WFDC1: variants seen among roughly 807,000 people sequenced by gnomAD.
WFDC1 encodes the protein WAP four-disulfide core domain protein 1.
A neutral mutation model predicts 32.9 loss-of-function variants in WFDC1; 39 were observed. The observed-to-expected ratio is 1.19, with a 90% CI of 0.92 to 1.55. The LOEUF (loss-of-function observed/expected upper bound fraction) is 1.55, where lower values mean the gene tolerates loss of function less well. Ranked by LOEUF, WFDC1 falls within the 40% of genes most tolerant of loss-of-function variation. The pLI, the probability that WFDC1 is intolerant of heterozygous loss-of-function variation, is 0.00. For synonymous variants in WFDC1, 184 were observed against 137.4 expected, an observed-to-expected ratio of 1.34 and a Z score of -2.37; for missense variants, 386 against 309.5, an observed-to-expected ratio of 1.25 and a Z score of -1.85.
intron 1 of WFDC1, among the ~76,000 whole-genome samples, chr16:84,301,350 A>G (rs555413351): frequency 2.0e-4 from 30 of 152,182 alleles, no homozygotes; most frequent in Non-Finnish European, 2.9e-4. Flanking sequence ...GCAACCGGCA[A>G]CGAGACATTT....
intron 1 of WFDC1, among the ~76,000 whole-genome samples, chr16:84,309,312 C>T (rs1480792824): frequency 1.3e-5 from 2 of 152,044 alleles, no homozygotes; most frequent in Non-Finnish European, 2.9e-5. Context: ...GCTCGGAGGT[C>T]GAGTGGGGAG....
At chr16:84,311,213 C>T (rs1305696200) in intron 1 of WFDC1, among the ~76,000 whole-genome samples, 2 of 151,164 alleles carry the variant, frequency 1.3e-5, no homozygotes, top group Admixed American at 6.6e-5. Context: ...ATTGGTCACT[C>T]ACCCATATTC....
At chr16:84,317,312 A>G (rs1567660587) in intron 2 of WFDC1, 2 of 134,740 alleles carry the variant, frequency 1.5e-5, no homozygotes, top group East Asian at 4.1e-4. Context: ...AAATAAATAA[A>G]TAAATAAATA....
chr16:84,298,594 T>TTG (rs1038137773), intron 1 of WFDC1, among the ~76,000 whole-genome samples: 1 of 152,166 alleles, frequency 6.6e-6, no homozygotes, highest in Non-Finnish European at 1.5e-5. Context: ...TATTTACACC[T>TTG]TGGAAATTGG....
intron 1 of WFDC1, among the ~76,000 whole-genome samples, chr16:84,299,132 A>G (rs244827): frequency 0.83 from 125,825 of 152,100 alleles, 53,299 homozygotes; most frequent in Non-Finnish European, 0.91. Flanking sequence ...AGGCCAAGGC[A>G]GGCAGATCTC....
chr16:84,318,025 C>T, intron 2 of WFDC1: 1 of 463,518 alleles, frequency 2.2e-6, no homozygotes, highest in Non-Finnish European at 4.0e-6. Context: ...ATGGTCACTG[C>T]TGCTCACATC....
At chr16:84,326,733 A>T in intron 5 of WFDC1, 149 bp from the exon 6 acceptor site, 1 of 728,066 alleles carries the variant, frequency 1.4e-6, no homozygotes, top group South Asian at 1.6e-5. Flanking sequence ...GAGAGGAGGC[A>T]CTGCAGGTGG....
intron 1 of WFDC1, among the ~76,000 whole-genome samples, chr16:84,307,140 G>C (rs1282874429): frequency 6.6e-6 from 1 of 152,166 alleles, no homozygotes; most frequent in Non-Finnish European, 1.5e-5. Context: ...AGAGAGGTCA[G>C]AGACGTGGAG....
At chr16:84,310,458 C>A (rs573040752) in intron 1 of WFDC1, among the ~76,000 whole-genome samples, 1 of 152,180 alleles carries the variant, frequency 6.6e-6, no homozygotes, top group South Asian at 2.1e-4. Flanking sequence ...GGATGATGTG[C>A]CCTCGCTCTG....
intron 5 of WFDC1, among the ~76,000 whole-genome samples, chr16:84,325,168 A>C (rs1395724833): frequency 6.7e-6 from 1 of 150,184 alleles, no homozygotes; most frequent in Non-Finnish European, 1.5e-5. Flanking sequence ...CCATTCATAC[A>C]TACATCCTTT....
chr16:84,295,371 C>T, intron 1 of WFDC1: 1 of 504,508 alleles, frequency 2.0e-6, no homozygotes, highest in East Asian at 3.2e-5. Flanking sequence ...TTACTTTTGC[C>T]TTGTTACAAA....
intron 1 of WFDC1, among the ~76,000 whole-genome samples, chr16:84,309,306 G>A (rs559727144): frequency 2.9e-4 from 44 of 152,304 alleles, no homozygotes; most frequent in African/African-American, 8.7e-4. Context: ...CGCAGGGCTC[G>A]GAGGTCGAGT....
intron 6 of WFDC1, chr16:84,328,282 C>G (rs936438324): frequency 6.6e-6 from 1 of 152,248 alleles, no homozygotes; most frequent in Non-Finnish European, 1.5e-5. Flanking sequence ...CAGGCTTGCC[C>G]TCACGTGCCC....
At chr16:84,313,189 G>A (rs2151375466) in intron 2 of WFDC1, 36 bp downstream of exon 2, 3 of 1,391,246 alleles carry the variant, frequency 2.2e-6, no homozygotes, top group Non-Finnish European at 2.8e-6. Context: ...GCTGAGGGAG[G>A]AGGACAGGTG....
intron 1 of WFDC1, among the ~76,000 whole-genome samples, chr16:84,296,734 G>C (rs527393475): frequency 6.6e-6 from 1 of 152,190 alleles, no homozygotes; most frequent in African/African-American, 2.4e-5. Flanking sequence ...ATGTGAGATG[G>C]TGTAGTCACC....
chr16:84,307,569 C>T (rs769473580), intron 1 of WFDC1, among the ~76,000 whole-genome samples: 1 of 152,188 alleles, frequency 6.6e-6, no homozygotes, highest in South Asian at 2.1e-4. Context: ...CCATCTGGGA[C>T]TGCCATTAAG....
At chr16:84,306,864 C>T (rs1046642879) in intron 1 of WFDC1, among the ~76,000 whole-genome samples, 1 of 152,134 alleles carries the variant, frequency 6.6e-6, no homozygotes, top group Non-Finnish European at 1.5e-5. Context: ...GAGCCAGGGA[C>T]ACAGGTAAGA....
At chr16:84,312,584 G>A (rs1196564443) in intron 1 of WFDC1, among the ~76,000 whole-genome samples, 1 of 151,826 alleles carries the variant, frequency 6.6e-6, no homozygotes, top group Non-Finnish European at 1.5e-5. Flanking sequence ...ATAGACATAT[G>A]TGTGTACGTA....
At chr16:84,297,658 G>A (rs1343944615) in intron 1 of WFDC1, among the ~76,000 whole-genome samples, 2 of 140,022 alleles carry the variant, frequency 1.4e-5, no homozygotes, top group African/African-American at 5.3e-5. Flanking sequence ...CTGTGCCTCA[G>A]AGAAAGCCCT....
Sources: allele counts gnomAD v4.1 joint callset (sites outside exome capture counted in the v4.1 genomes callset), GRCh38; gene constraint gnomAD v4.1.1; transcripts MANE v1.5; gene names NCBI Gene and HGNC (gene_info 2026-07-23, HGNC 2026-07-21).